The following DGKI variants were observed in gnomAD, a reference collection of about 807,000 sequenced individuals.
DGKI encodes the protein diacylglycerol kinase iota.
A neutral mutation model predicts 147.5 loss-of-function variants in DGKI; 55 were observed. The ratio of observed to expected loss-of-function variants is 0.37; its 90% CI spans 0.30 to 0.47. DGKI has a LOEUF of 0.47. Ranked by LOEUF, DGKI falls within the 20% of genes least tolerant of loss-of-function variation. The pLI, the probability that DGKI is intolerant of heterozygous loss-of-function variation, is 1.00. For synonymous variants in DGKI, 469 were observed against 477.1 expected (o/e 0.98, Z 0.22); for missense variants, 1,007 against 1,323.8 (o/e 0.76, Z 3.71).
chr7:137,653,564 C>A (rs768076102), intron 5 of DGKI, among the ~76,000 whole-genome samples: 1 of 152,184 alleles, frequency 6.6e-6, no homozygotes, highest in African/African-American at 2.4e-5. Context: ...ATCCGGAAGG[C>A]TCTTGCCACT....
chr7:137,782,740 T>C (rs1385885527), intron 1 of DGKI, among the ~76,000 whole-genome samples: 1 of 152,172 alleles, frequency 6.6e-6, no homozygotes, highest in African/African-American at 2.4e-5. Context: ...GAGTCCACTT[T>C]ACTCCCCTGT....
chr7:137,578,469 C>T lies in DGKI; in HGVS notation c.1643-144G>A. The T allele has an allele frequency of 4.6e-6, 3 of 649,316 alleles. No homozygotes were observed. The South Asian group carries it at 5.6e-5, about 12-fold the overall frequency. 40.2% of individuals were successfully genotyped at this position (649,316 alleles called of 1,614,324 possible). A position where few individuals can be genotyped will look rare whatever the true frequency, so the allele number is the denominator to read the frequency against. On this transcript the variant is annotated intron_variant, in intron 15 of 32. Transcript: ENST00000614521. ...TTTGGTTATCATCTTTCCCCCAGTT[C>T]CAGGCCAGTTAGTACAGTAGCCCAG...
At chr7:137,564,720 C>A (rs922330108) in intron 19 of DGKI, among the ~76,000 whole-genome samples, 2 of 152,308 alleles carry the variant, frequency 1.3e-5, no homozygotes, top group East Asian at 3.9e-4. Flanking sequence ...GAAGTTTATT[C>A]TCTTCCCTGT....
intron 6 of DGKI, among the ~76,000 whole-genome samples, chr7:137,630,355 G>A (rs1447382030): frequency 6.6e-6 from 1 of 152,008 alleles, no homozygotes; most frequent in Non-Finnish European, 1.5e-5. Context: ...ATTAATCAAA[G>A]CCAATCACCC....
At position 137,393,028 on chromosome 7, in the gene DGKI, G is replaced by A. The variant is rs955646420; in HGVS notation, c.3058-1692C>T. ...TGAAAAGTTATACGATATCATGTAT[G>A]TATGACTTCATCTAGTTAAAAACAA... On this transcript the variant is annotated intron_variant, in intron 32 of 32. Coordinates refer to ENST00000614521, the MANE Select transcript of DGKI (RefSeq NM_001321708.2). 2.6e-5 allele frequency among the ~76,000 whole-genome samples: 4 copies of A among 152,158 alleles called. No homozygotes were observed. The East Asian group carries it at 7.7e-4, about 29-fold the overall frequency.
intron 19 of DGKI, among the ~76,000 whole-genome samples, chr7:137,557,692 C>A (rs1818272431): frequency 6.6e-6 from 1 of 152,306 alleles, no homozygotes; most frequent in Admixed American, 6.5e-5. Flanking sequence ...CCATTTCCTA[C>A]TGAGAAGCAC....
At chr7:137,736,649 A>G (rs1795032097) in intron 1 of DGKI, among the ~76,000 whole-genome samples, 1 of 152,118 alleles carries the variant, frequency 6.6e-6, no homozygotes, top group South Asian at 2.1e-4. Context: ...GTGAAATAAC[A>G]TCTAGGAAAA....
At chr7:137,831,252 G>T (rs138490993) in intron 1 of DGKI, among the ~76,000 whole-genome samples, 120 of 152,272 alleles carry the variant, frequency 7.9e-4, no homozygotes, top group African/African-American at 2.7e-3. Context: ...TAAACAAAAA[G>T]GAATTTTATC....
At position 137,617,481 on chromosome 7, in the gene DGKI, C is replaced by T. The variant is rs563618205; in HGVS notation, c.993+2343G>A. ...ATTATTAACATGACTGAGATAATGG[C>T]ATTTGGATTTTTTTAATGCTATCTT... On this transcript the variant is annotated intron_variant, in intron 8 of 32. Transcript: ENST00000614521. Among the ~76,000 whole-genome samples, 19 of 152,004 alleles carry T rather than the reference C, an allele frequency of 1.2e-4. No individual in the cohort carries two copies. The East Asian group carries it at 3.3e-3, about 26-fold the overall frequency.
chr7:137,609,282 T>A (rs1326552614), intron 9 of DGKI, among the ~76,000 whole-genome samples: 1 of 152,168 alleles, frequency 6.6e-6, no homozygotes, highest in Non-Finnish European at 1.5e-5. Context: ...ACTCCAAATA[T>A]TCCAGAAATA....
intron 14 of DGKI, among the ~76,000 whole-genome samples, chr7:137,582,725 G>A (rs1411699066): frequency 6.6e-6 from 1 of 152,018 alleles, no homozygotes; most frequent in Non-Finnish European, 1.5e-5. Context: ...AGAGAACTCT[G>A]CAGCCTCAAA....
intron 28 of DGKI, 143 bp from the exon 29 acceptor site, chr7:137,412,350 G>A (rs1314300574): frequency 9.3e-6 from 7 of 754,368 alleles, no homozygotes; most frequent in Admixed American, 6.3e-5. Context: ...GAAGCAGACC[G>A]AGGCCCCCTC....
intron 1 of DGKI, chr7:137,722,339 C>T: frequency 6.2e-7 from 1 of 1,612,750 alleles, no homozygotes; most frequent in Non-Finnish European, 8.5e-7. Context: ...TATTATCCTA[C>T]TGAAGATGTG....
chr7:137,557,749 C>T (rs1525043), intron 19 of DGKI, among the ~76,000 whole-genome samples: 16,580 of 152,042 alleles, frequency 0.11, 2,038 homozygotes, highest in African/African-American at 0.3. Context: ...AGACAGGCAG[C>T]CCTCACTGAG....
intron 1 of DGKI, among the ~76,000 whole-genome samples, chr7:137,724,789 G>A (rs1472499262): frequency 6.6e-6 from 1 of 152,120 alleles, no homozygotes; most frequent in Non-Finnish European, 1.5e-5. Flanking sequence ...TGCAGGGGAG[G>A]CAAGCACTAG....
chr7:137,695,637 C>T (rs1427125529), intron 1 of DGKI, among the ~76,000 whole-genome samples: 3 of 152,210 alleles, frequency 2.0e-5, no homozygotes, highest in Non-Finnish European at 4.4e-5. Flanking sequence ...AGGCATCTAA[C>T]TCCAGAAGGT....
chr7:137,472,321 T>TAATATGTATATACATATAATA (rs1563040091), intron 23 of DGKI, among the ~76,000 whole-genome samples: 66 of 3,676 alleles, frequency 0.018, 3 homozygotes, highest in African/African-American at 0.036. Flanking sequence ...TACATATAAT[T>TAATATGTATATACATATAATA]ATTATATGTA....
chr7:137,547,750 A>G (rs2128964099), intron 20 of DGKI, among the ~76,000 whole-genome samples: 1 of 152,288 alleles, frequency 6.6e-6, no homozygotes, highest in African/African-American at 2.4e-5. Context: ...TGATTACACT[A>G]TTTTTAGTAA....
chr7:137,495,503 A>G (rs1354682545), intron 21 of DGKI, among the ~76,000 whole-genome samples: 2 of 36,208 alleles, frequency 5.5e-5, no homozygotes, highest in South Asian at 1.7e-3. Context: ...TGGCAGAGAC[A>G]AAAAAAAAAA....
Sources: allele counts gnomAD v4.1 joint callset (sites outside exome capture counted in the v4.1 genomes callset), GRCh38; gene constraint gnomAD v4.1.1; transcripts MANE v1.5; gene names NCBI Gene and HGNC (gene_info 2026-07-23, HGNC 2026-07-21).